The following HGFAC variants were observed in gnomAD, a reference collection of about 807,000 sequenced individuals.
HGFAC encodes the protein HGF activator.
A neutral mutation model predicts 70.6 loss-of-function variants in HGFAC; 76 were observed. That is an observed-to-expected ratio of 1.08 (90% confidence interval 0.89 to 1.30). The LOEUF (loss-of-function observed/expected upper bound fraction) is 1.30. Among genes scored for constraint, HGFAC ranks in the 50% most tolerant of loss-of-function variants. The pLI is 0.00. For missense variants in HGFAC, 1,044 were observed against 933.7 expected, an observed-to-expected ratio of 1.12 and a Z score of -1.54; for synonymous variants, 464 against 405.3, an observed-to-expected ratio of 1.14 and a Z score of -1.74.
At chr4:3,447,683 C>T in intron 11 of HGFAC, 52 bp downstream of exon 11, 1 of 1,605,312 alleles carries the variant, frequency 6.2e-7, no homozygotes, top group Non-Finnish European at 8.5e-7. Context: ...CCCTGTGCTC[C>T]CCAGGCCAGG....
rs1725565750 is a variant in HGFAC, at chr4:3,447,716, G to A, written c.1495+85G>A. On this transcript the variant is annotated intron_variant, in intron 11 of 13. Coordinates refer to ENST00000382774, the MANE Select transcript of HGFAC (RefSeq NM_001528.4). ...AGGCCCAGACAGGGGCAGGAGCTGG[G>A]CAGACATGTGGTGCGGGGGAAGCTG... The A allele has an allele frequency of 3.2e-6, 5 of 1,581,308 alleles. No individual in the cohort carries two copies. In the East Asian group the frequency reaches 9.0e-5, roughly 28 times the overall value.
At position 3,445,344 on chromosome 4, in the gene HGFAC, GC is replaced by G. The variant is rs1560193173; in HGVS notation, c.1098del (p.Cys367AlafsTer107). The G allele has an allele frequency of 6.4e-7, 1 of 1,572,532 alleles. No individual in the cohort carries two copies. The highest frequency in any genetic ancestry group is 8.6e-7 in the Non-Finnish European group (1 of 1,159,676). The stretch of plus-strand genomic sequence containing the variant: ...CTCCTGGGAGTACTGCCGCCTGGAG[GC>G]CTGCGGTGCGCGGCTGGCGGGGGGT... ...ALSWEYCRLE[A>X]CESLTRVQLS... On this transcript the variant is annotated frameshift_variant, in exon 9 of 14. Transcript: ENST00000382774. LOFTEE classifies it high-confidence loss of function.
rs892001351 is a variant in HGFAC, at chr4:3,449,338, G to T, written c.1887G>T (p.Gly629=). ...GCTGCGGGCGGCTCCACAAGCCGGG[G>T]GTCTACACCCGCGTGGCCAACTATG... ...GDGCGRLHKP[G]VYTRVANYVD... Residue 629 remains glycine, a synonymous_variant, in exon 14 of 14, where the codon GGG becomes GGT. Coordinates refer to ENST00000382774, the MANE Select transcript of HGFAC (RefSeq NM_001528.4). The T allele has an allele frequency of 1.2e-6, 2 of 1,611,616 alleles. No homozygotes were observed. The highest frequency in any genetic ancestry group is 1.7e-6 in the Non-Finnish European group (2 of 1,179,316).
Position 3,449,045 on chromosome 4 carries a change from T to A in HGFAC, c.1786-192T>A, listed in dbSNP as rs1725633030. On this transcript the variant is annotated intron_variant, in intron 13 of 13. Coordinates refer to ENST00000382774, the MANE Select transcript of HGFAC (RefSeq NM_001528.4). The stretch of plus-strand genomic sequence containing the variant: ...CGTGGCTTCAGGAAGGGGAATAACG[T>A]GGTTGGATGCCCTGGCCCAGCCAGT... 2.0e-5 allele frequency among the ~76,000 whole-genome samples: 3 copies of A among 152,004 alleles called. 1 individual carries two copies. The South Asian group carries it at 6.2e-4, about 32-fold the overall frequency.
chr4:3,449,161 A>G, intron 13 of HGFAC, 76 bp from the exon 14 acceptor site: 2 of 1,379,548 alleles, frequency 1.4e-6, no homozygotes, highest in Non-Finnish European at 2.0e-6. Flanking sequence ...TCTGTCCCCA[A>G]GCTGCCACTT....
At chr4:3,446,737 C>A (rs1725526397) in intron 10 of HGFAC, among the ~76,000 whole-genome samples, 1 of 152,180 alleles carries the variant, frequency 6.6e-6, no homozygotes, top group African/African-American at 2.4e-5. Flanking sequence ...GGGCGCACAG[C>A]CACCCAGGCC....
intron 1 of HGFAC, 55 bp from the exon 2 acceptor site, chr4:3,442,677 C>A: frequency 3.1e-6 from 4 of 1,289,236 alleles, no homozygotes; most frequent in Non-Finnish European, 4.1e-6. Flanking sequence ...TCCTGCCCGG[C>A]AGGACCTGAG....
intron 1 of HGFAC, among the ~76,000 whole-genome samples, 175 bp downstream of exon 1, chr4:3,442,293 G>A (rs530748979): frequency 4.6e-5 from 7 of 152,336 alleles, no homozygotes; most frequent in African/African-American, 1.7e-4. Context: ...TGCTGGACTG[G>A]CCTTGGAGGC....
At chr4:3,444,491 T>C in intron 6 of HGFAC, 49 bp downstream of exon 6, 1 of 1,539,920 alleles carries the variant, frequency 6.5e-7, no homozygotes. Flanking sequence ...CGGGTGTCCC[T>C]GTCCACACCC....
rs1022293837 is a variant in HGFAC, at chr4:3,449,194, C to A, written c.1786-43C>A. ...CTTGGGGGAGAGGGGGGTCCCTGAA[C>A]CAGGCCCCTGGGAGGGTGGCTCTGA... On this transcript the variant is annotated intron_variant, in intron 13 of 13. Transcript: ENST00000382774. 6 of 1,574,592 alleles carry A rather than the reference C, an allele frequency of 3.8e-6. No individual in the cohort carries two copies. The African/African-American group carries it at 8.2e-5, about 21-fold the overall frequency.
upstream of HGFAC, chr4:3,441,956 C>T (rs765153594): frequency 1.1e-4 from 127 of 1,151,250 alleles, no homozygotes; most frequent in Non-Finnish European, 1.4e-4. The surrounding 1 kb of genome is among the most constrained non-coding windows in gnomAD (Gnocchi z 6.0). Context: ...CTGCCTTGGC[C>T]GCTCTGCTCC....
Position 3,442,043 on chromosome 4 carries a change from G to T in HGFAC, c.42G>T (p.Pro14=). 1 of 1,529,882 alleles carries T rather than the reference G, an allele frequency of 6.5e-7. No individual in the cohort carries two copies. Among genetic ancestry groups the T allele is most frequent in the Non-Finnish European group, 8.7e-7 (1 of 1,155,246 alleles). 94.8% of individuals were successfully genotyped at this position (1,529,882 alleles called of 1,614,324 possible). Reference sequence around the variant, plus strand: ...GGGTCCCCAGCCCCTGGCCCCCACCGGGGCTGGGCCCCTTCCTCCTCCTCC... The same window carrying T: ...GGGTCCCCAGCCCCTGGCCCCCACCTGGGCTGGGCCCCTTCCTCCTCCTCC... ...WAWVPSPWPP[P]GLGPFLLLLL... Residue 14 remains proline (P), a synonymous_variant, in exon 1 of 14, where the codon CCG becomes CCT. Coordinates refer to ENST00000382774, the MANE Select transcript of HGFAC (RefSeq NM_001528.4).
At position 3,447,920 on chromosome 4, in the gene HGFAC, G is replaced by T. The variant is rs1283742766; in HGVS notation, c.1521G>T (p.Gly507=). 5 of 1,610,492 alleles carry T rather than the reference G, an allele frequency of 3.1e-6. No homozygotes were observed. Among genetic ancestry groups the T allele is most frequent in the Middle Eastern group, 3.3e-4 (2 of 6,048 alleles). Residue 507 remains glycine, a synonymous_variant, in exon 12 of 14, where the codon GGG becomes GGT. Transcript: ENST00000382774. ...DLVLIRLKKK[G]DRCATRSQFV... The stretch of plus-strand genomic sequence containing the variant: ...TCCTGATCCGGCTGAAGAAGAAAGG[G>T]GACCGCTGTGCCACACGCTCGCAGT...
Position 3,443,132 on chromosome 4 carries a change from T to G in HGFAC, c.381T>G (p.Ser127Arg). ...RMLHACTSEG[S>R]AHRKWCATTH... ...TGCATGCCTGCACTTCGGAGGGCAG[T>G]GCACACAGGAAGTGGTGGGTCCGGG... is the stretch of plus-strand genomic sequence containing the variant. Residue 127 changes from serine to arginine, a missense_variant, in exon 3 of 14, where the codon AGT becomes AGG. Transcript: ENST00000382774. 6.4e-7 allele frequency: 1 copy of G among 1,568,066 alleles called. No individual in the cohort carries two copies.
chr4:3,447,672 G>A, intron 11 of HGFAC, 41 bp downstream of exon 11: 9 of 1,608,714 alleles, frequency 5.6e-6, no homozygotes, highest in Non-Finnish European at 7.6e-6. Context: ...GGGCAGGTGG[G>A]CCCTGTGCTC....
chr4:3,441,677 G>A (rs1002496737), upstream of HGFAC, among the ~76,000 whole-genome samples: 1 of 152,198 alleles, frequency 6.6e-6, no homozygotes, highest in Admixed American at 6.5e-5. This position sits in a 1 kb window ranked among gnomAD's most constrained non-coding sequence, Gnocchi z 6.0. Context: ...TGGGAGCGGC[G>A]CCAGACCATC....
At chr4:3,444,756 G>T in intron 7 of HGFAC, 23 bp downstream of exon 7, 17 of 1,577,942 alleles carry the variant, frequency 1.1e-5, no homozygotes, top group Non-Finnish European at 1.5e-5. Context: ...GCCCCCCGGG[G>T]TGCCCTGGGG....
rs1035068254 is a variant in HGFAC, at chr4:3,442,552, G to C, written c.118-180G>C. On this transcript the variant is annotated intron_variant, in intron 1 of 13. Coordinates refer to ENST00000382774, the MANE Select transcript of HGFAC (RefSeq NM_001528.4). ...CCTGAGCAGGTGTTAACTAGGGGCCGAGGGCGGGGAAGGTGTCAGGGCCTG... is the reference window on the plus strand; with the variant it reads ...CCTGAGCAGGTGTTAACTAGGGGCCCAGGGCGGGGAAGGTGTCAGGGCCTG... Among the ~76,000 whole-genome samples the C allele has an allele frequency of 2.6e-5, 4 of 152,296 alleles. No individual in the cohort carries two copies. The East Asian group carries it at 7.7e-4, about 29-fold the overall frequency.
At position 3,444,983 on chromosome 4, in the gene HGFAC, G is replaced by T. The variant is rs1449727248; in HGVS notation, c.1006G>T (p.Ala336Ser). 1 of 1,591,480 alleles carries T rather than the reference G, an allele frequency of 6.3e-7. No individual in the cohort carries two copies. The highest frequency in any genetic ancestry group is 1.7e-5 in the Admixed American group (1 of 57,592). ...AAALLGLGPH[A>S]YCRNPDNDER... The stretch of plus-strand genomic sequence containing the variant: ...GGCCCTGCTGGGCCTGGGCCCCCAT[G>T]CCTACTGCCGGTCAGCACCACGCCG... Residue 336 changes from alanine (A) to serine (S), a missense_variant, in exon 8 of 14, where the codon GCC (alanine) becomes TCC (serine). By Grantham distance (99) the Ala-to-Ser change is moderately conservative. Transcript: ENST00000382774.
Sources: allele counts gnomAD v4.1 joint callset (sites outside exome capture counted in the v4.1 genomes callset), GRCh38; gene constraint gnomAD v4.1.1; non-coding constraint Gnocchi (gnomAD v3.1); transcripts MANE v1.5; gene names NCBI Gene and HGNC (gene_info 2026-07-23, HGNC 2026-07-21).